Variants in BTBD9 observed in about 807,000 individuals in gnomAD.
BTBD9 encodes the protein BTB domain containing 9.
Under a neutral mutation model 64.3 loss-of-function variants are expected in BTBD9, and 49 were observed. The ratio of observed to expected loss-of-function variants is 0.76; its 90% CI spans 0.61 to 0.97. The LOEUF (loss-of-function observed/expected upper bound fraction) is 0.97, where lower values mean the gene tolerates loss of function less well. Ranked by LOEUF, BTBD9 falls within the 50% of genes least tolerant of loss-of-function variation. The pLI, the probability that BTBD9 is intolerant of heterozygous loss-of-function variation, is 0.00. For synonymous variants in BTBD9, 260 were observed against 274.7 expected, an observed-to-expected ratio of 0.95 and a Z score of 0.53; for missense variants, 598 against 762.1, an observed-to-expected ratio of 0.78 and a Z score of 2.53.
chr6:38,592,939 A>T (rs1468064555), intron 3 of BTBD9, 99 bp from the exon 4 acceptor site: 7 of 1,277,458 alleles, frequency 5.5e-6, no homozygotes, highest in Non-Finnish European at 6.5e-6. Flanking sequence ...TTAGCCAATT[A>T]ACTCTTTTTG....
intron 6 of BTBD9, among the ~76,000 whole-genome samples, chr6:38,396,227 T>C (rs1766665991): frequency 6.6e-6 from 1 of 152,178 alleles, no homozygotes; most frequent in Non-Finnish European, 1.5e-5. Flanking sequence ...GAGCTACATT[T>C]AGCAAGAATA....
At chr6:38,563,761 T>C (rs1327163296) in intron 6 of BTBD9, among the ~76,000 whole-genome samples, 1 of 151,652 alleles carries the variant, frequency 6.6e-6, no homozygotes, top group Non-Finnish European at 1.5e-5. Flanking sequence ...TTTCCCCTTT[T>C]GTCTGCCTAT....
rs147636156 is a variant in BTBD9, at chr6:38,479,598, G to A, written c.1154+98002C>T. Among the ~76,000 whole-genome samples, 8 of 152,216 alleles carry A rather than the reference G, an allele frequency of 5.3e-5. 1 individual carries two copies. The highest frequency in any genetic ancestry group is 3.9e-4 in the East Asian group (2 of 5,186). ...TAACACTCCCTTTCTGACTGCATCC[G>A]TGTGACTGGGCCACCAAGTCCCACT... is the stretch of plus-strand genomic sequence containing the variant. On this transcript the variant is annotated intron_variant, in intron 6 of 10. Transcript: ENST00000481247.
chr6:38,519,987 G>T (rs1773210208), intron 6 of BTBD9, among the ~76,000 whole-genome samples: 1 of 152,056 alleles, frequency 6.6e-6, no homozygotes, highest in South Asian at 2.1e-4. Context: ...TTCAGTAAAA[G>T]AAAAATAGTG....
intron 9 of BTBD9, among the ~76,000 whole-genome samples, chr6:38,231,414 T>G (rs1168129420): frequency 2.0e-5 from 3 of 152,208 alleles, no homozygotes; most frequent in Non-Finnish European, 2.9e-5. Flanking sequence ...ACTGTTTTCA[T>G]ATGAAAAGTA....
intron 7 of BTBD9, among the ~76,000 whole-genome samples, chr6:38,291,354 G>C (rs1303806999): frequency 6.6e-6 from 1 of 152,190 alleles, no homozygotes; most frequent in East Asian, 1.9e-4. Context: ...TGTAACCTGA[G>C]ACTTTGCTGA....
At chr6:38,492,056 T>C (rs1436276627) in intron 6 of BTBD9, among the ~76,000 whole-genome samples, 1 of 152,176 alleles carries the variant, frequency 6.6e-6, no homozygotes, top group African/African-American at 2.4e-5. Flanking sequence ...CTGTTGTGGA[T>C]ACAACTGAAA....
chr6:38,540,901 T>A (rs1774238176), intron 6 of BTBD9, among the ~76,000 whole-genome samples: 1 of 152,224 alleles, frequency 6.6e-6, no homozygotes, highest in Non-Finnish European at 1.5e-5. Flanking sequence ...ATGTACCTCA[T>A]GCTGCGTTCT....
At position 38,513,133 on chromosome 6, in the gene BTBD9, T is replaced by C. The variant is rs568916866; in HGVS notation, c.1154+64467A>G. On this transcript the variant is annotated intron_variant, in intron 6 of 10. Coordinates refer to ENST00000481247, the MANE Select transcript of BTBD9 (RefSeq NM_001099272.2). ...TACTTGGCTTACAGAATTTTTCTTA[T>C]AAGGTTCATTTAACAAAAGCACATT... is the stretch of plus-strand genomic sequence containing the variant. Among the ~76,000 whole-genome samples the C allele has an allele frequency of 5.9e-5, 9 of 152,298 alleles. No homozygotes were observed. In the South Asian group the frequency reaches 1.4e-3, roughly 25 times the overall value.
intron 9 of BTBD9, among the ~76,000 whole-genome samples, chr6:38,205,663 C>T (rs184387197): frequency 6.6e-5 from 10 of 151,832 alleles, no homozygotes; most frequent in East Asian, 1.9e-4. Flanking sequence ...GGGATACTAT[C>T]ACTTGAGGCC....
chr6:38,199,919 T>C (rs1762400039), intron 9 of BTBD9, among the ~76,000 whole-genome samples: 1 of 152,064 alleles, frequency 6.6e-6, no homozygotes, highest in Admixed American at 6.6e-5. Context: ...TAGGCAGGGG[T>C]GACCATGGGC....
At chr6:38,388,699 C>T (rs767193628) in intron 6 of BTBD9, among the ~76,000 whole-genome samples, 2 of 152,112 alleles carry the variant, frequency 1.3e-5, no homozygotes, top group Non-Finnish European at 2.9e-5. Flanking sequence ...AATCCTTTGG[C>T]CAGTAGTTTT....
chr6:38,211,563 C>T lies in BTBD9; in HGVS notation c.1563-18966G>A, dbSNP rs575145748. 2.0e-5 allele frequency among the ~76,000 whole-genome samples: 3 copies of T among 152,040 alleles called. No homozygotes were observed. In the East Asian group the frequency reaches 5.8e-4, roughly 29 times the overall value. ...TTCAAGACCAGCCTGGCCAACATGGCGAAAGCCCATCTCTACTAAAAAATA... is the reference window on the plus strand; with the variant it reads ...TTCAAGACCAGCCTGGCCAACATGGTGAAAGCCCATCTCTACTAAAAAATA... On this transcript the variant is annotated intron_variant, in intron 9 of 10. Coordinates refer to ENST00000481247, the MANE Select transcript of BTBD9 (RefSeq NM_001099272.2).
intron 6 of BTBD9, among the ~76,000 whole-genome samples, chr6:38,451,995 T>C (rs1769577331): frequency 6.6e-6 from 1 of 152,148 alleles, no homozygotes; most frequent in East Asian, 1.9e-4. Flanking sequence ...CCTTCCAATG[T>C]AGAAGAGCTC....
chr6:38,381,734 T>G (rs1765941898), intron 6 of BTBD9, among the ~76,000 whole-genome samples: 3 of 152,164 alleles, frequency 2.0e-5, no homozygotes, highest in Admixed American at 2.0e-4. Context: ...CACAGATCAC[T>G]TTCTCTAATC....
chr6:38,628,731 TAC>T (rs146925107), intron 1 of BTBD9, among the ~76,000 whole-genome samples: 4 of 151,868 alleles, frequency 2.6e-5, no homozygotes, highest in African/African-American at 9.7e-5. Flanking sequence ...AGGTATGGAA[TAC>T]ACACACACAC....
intron 6 of BTBD9, among the ~76,000 whole-genome samples, chr6:38,439,134 T>TTTTTTTTTTTTTTTTTTG (rs1491145965): frequency 8.5e-6 from 1 of 117,000 alleles, no homozygotes; most frequent in African/African-American, 3.1e-5. Context: ...TTTTTTTTTT[T>TTTTTTTTTTTTTTTTTTG]GGTGAGATGG....
intron 6 of BTBD9, among the ~76,000 whole-genome samples, chr6:38,382,538 A>G (rs2127615851): frequency 6.6e-6 from 1 of 150,564 alleles, no homozygotes; most frequent in African/African-American, 2.4e-5. Context: ...AAAAGAAAAG[A>G]AAAAAAAACA....
At chr6:38,203,276 AACT>A (rs1447922614) in intron 9 of BTBD9, among the ~76,000 whole-genome samples, 1 of 152,174 alleles carries the variant, frequency 6.6e-6, no homozygotes, top group Non-Finnish European at 1.5e-5. Flanking sequence ...TTTCTCAATA[AACT>A]ACTACTATTT....
Sources: gnomAD v4.1 joint callset for allele counts (sites outside exome capture counted in the v4.1 genomes callset) on GRCh38, gnomAD v4.1.1 for gene constraint, MANE v1.5 for transcripts, NCBI Gene and HGNC (gene_info 2026-07-23, HGNC 2026-07-21) for gene names.